Variants in GRB10 observed in about 807,000 individuals in gnomAD.
GRB10 encodes the protein growth factor receptor-bound protein 10.
A neutral mutation model predicts 80.9 loss-of-function variants in GRB10; 20 were observed. The ratio of observed to expected loss-of-function variants is 0.25; its 90% CI spans 0.17 to 0.36. GRB10 has a LOEUF of 0.36. Among genes scored for constraint, GRB10 ranks in the 10% least tolerant of loss-of-function variants. GRB10 has a pLI of 1.00. For synonymous variants in GRB10, 291 were observed against 291.5 expected (o/e 1.00, Z 0.02); for missense variants, 548 against 747.7 (o/e 0.73, Z 3.12).
chr7:50,763,921 C>T (rs1261900625), intron 2 of GRB10, among the ~76,000 whole-genome samples: 1 of 152,218 alleles, frequency 6.6e-6, no homozygotes, highest in Non-Finnish European at 1.5e-5. Context: ...GCCCTCTGTA[C>T]TTCAAATGCA....
At chr7:50,652,062 T>C (rs1220010734) in intron 7 of GRB10, among the ~76,000 whole-genome samples, 1 of 152,208 alleles carries the variant, frequency 6.6e-6, no homozygotes, top group Admixed American at 6.5e-5. Flanking sequence ...ATTCTGGAAA[T>C]TGTAGGTAGA....
intron 5 of GRB10, among the ~76,000 whole-genome samples, chr7:50,699,900 C>A (rs2063918726): frequency 6.6e-6 from 1 of 152,196 alleles, no homozygotes; most frequent in Non-Finnish European, 1.5e-5. Flanking sequence ...CTTTGGGAGG[C>A]CGAGGCGGGC....
At chr7:50,716,184 CA>C (rs2066842646) in intron 4 of GRB10, among the ~76,000 whole-genome samples, 1 of 152,196 alleles carries the variant, frequency 6.6e-6, no homozygotes, top group Non-Finnish European at 1.5e-5. Context: ...CCCACCAACC[CA>C]AATGGAAAAC....
chr7:50,670,053 T>C (rs1354481794), intron 6 of GRB10, among the ~76,000 whole-genome samples, 190 bp from the exon 7 acceptor site: 2 of 152,158 alleles, frequency 1.3e-5, no homozygotes, highest in South Asian at 2.1e-4. Context: ...GATGGATGAA[T>C]GGATGAACAA....
At chr7:50,712,432 G>A (rs571653167) in intron 4 of GRB10, among the ~76,000 whole-genome samples, 1 of 152,296 alleles carries the variant, frequency 6.6e-6, no homozygotes, top group Admixed American at 6.5e-5. Context: ...GAACAAGGGG[G>A]ATGCTCTTTA....
At chr7:50,752,429 C>A (rs541985706) in intron 3 of GRB10, among the ~76,000 whole-genome samples, 1 of 152,134 alleles carries the variant, frequency 6.6e-6, no homozygotes, top group African/African-American at 2.4e-5. Flanking sequence ...AAGTTTCCTG[C>A]CCTTGGAAAG....
chr7:50,642,752 C>G (rs2056492671), intron 7 of GRB10, among the ~76,000 whole-genome samples: 1 of 152,154 alleles, frequency 6.6e-6, no homozygotes, highest in African/African-American at 2.4e-5. Context: ...AATCATTATA[C>G]TCCTACACAC....
chr7:50,611,441 G>A (rs190475476), intron 13 of GRB10, among the ~76,000 whole-genome samples: 231 of 152,208 alleles, frequency 1.5e-3, no homozygotes, highest in Non-Finnish European at 2.4e-3. Context: ...GTATTAACAT[G>A]GACATTTCCT....
chr7:50,678,712 T>A (rs1482672836), intron 5 of GRB10, among the ~76,000 whole-genome samples: 1 of 152,226 alleles, frequency 6.6e-6, no homozygotes, highest in South Asian at 2.1e-4. Flanking sequence ...GAAATCACAC[T>A]GAGTTCTTAC....
chr7:50,743,617 G>C (rs1466735441), intron 3 of GRB10, among the ~76,000 whole-genome samples: 1 of 152,200 alleles, frequency 6.6e-6, no homozygotes, highest in Non-Finnish European at 1.5e-5. Context: ...CAGCTGCATA[G>C]TTAATTTGAG....
chr7:50,613,517 G>T (rs1468136090), intron 12 of GRB10, among the ~76,000 whole-genome samples: 3 of 152,188 alleles, frequency 2.0e-5, no homozygotes, highest in Admixed American at 2.0e-4. Context: ...TGCATCTCCA[G>T]AAGAACCCCC....
chr7:50,673,919 A>G (rs1302990004), intron 6 of GRB10, among the ~76,000 whole-genome samples: 1 of 152,044 alleles, frequency 6.6e-6, no homozygotes, highest in Non-Finnish European at 1.5e-5. Context: ...ACCTCCCTCA[A>G]CGTCCCCAGC....
exon 1 of GRB10, chr7:50,793,295 G>C (rs1287423505): frequency 6.8e-6 from 1 of 146,174 alleles, no homozygotes; most frequent in Non-Finnish European, 1.5e-5. Flanking sequence ...GGCGGGCGCG[G>C]GTCCCCGCGG....
At position 50,692,888 on chromosome 7, in the gene GRB10, T is replaced by A. The variant is rs1489492171; in HGVS notation, c.139+10933A>T. On this transcript the variant is annotated intron_variant, in intron 5 of 18. Transcript: ENST00000401949. ...AGATGGACTTTGGCTTTGATTCCCA[T>A]CCCACCACTGAGTTAACACCTGTCT... Among the ~76,000 whole-genome samples, 5 of 152,168 alleles carry A rather than the reference T, an allele frequency of 3.3e-5. No homozygotes were observed. In the South Asian group the frequency reaches 6.2e-4, roughly 19 times the overall value.
At chr7:50,628,846 T>C (rs1429236595) in intron 7 of GRB10, among the ~76,000 whole-genome samples, 1 of 152,198 alleles carries the variant, frequency 6.6e-6, no homozygotes, top group Non-Finnish European at 1.5e-5. Context: ...TCAATGAAAG[T>C]ATACTTCCCC....
At chr7:50,664,480 A>AG (rs1258379914) in intron 7 of GRB10, among the ~76,000 whole-genome samples, 3 of 152,108 alleles carry the variant, frequency 2.0e-5, no homozygotes, top group Non-Finnish European at 4.4e-5. Context: ...CTGTGGGGGC[A>AG]GGGGGGACAG....
chr7:50,670,746 A>G (rs1468764700), intron 6 of GRB10, among the ~76,000 whole-genome samples: 1 of 152,242 alleles, frequency 6.6e-6, no homozygotes, highest in East Asian at 1.9e-4. Flanking sequence ...AAAATACAAG[A>G]AAAGGCTGTG....
At chr7:50,783,922 G>C (rs997536544), upstream of GRB10, among the ~76,000 whole-genome samples, 5 of 152,326 alleles carry the variant, frequency 3.3e-5, no homozygotes, top group Admixed American at 2.0e-4. Flanking sequence ...GCTGGAAAAA[G>C]TGCAGATATG....
intron 2 of GRB10, among the ~76,000 whole-genome samples, chr7:50,775,700 A>G (rs2077558351): frequency 6.6e-6 from 1 of 152,206 alleles, no homozygotes; most frequent in Non-Finnish European, 1.5e-5. Context: ...TCTCTGTCTG[A>G]GCCCAAGACT....
Sources: gnomAD v4.1 joint callset for allele counts (sites outside exome capture counted in the v4.1 genomes callset) on GRCh38, gnomAD v4.1.1 for gene constraint, MANE v1.5 for transcripts, NCBI Gene and HGNC (gene_info 2026-07-23, HGNC 2026-07-21) for gene names.